Variants in PKHD1L1 observed in about 807,000 individuals in gnomAD.
The protein encoded by PKHD1L1 is fibrocystin-L.
In PKHD1L1, 434 loss-of-function variants were observed where a neutral mutation model predicts 462.9. The observed-to-expected ratio is 0.94, with a 90% CI of 0.87 to 1.02. The LOEUF (loss-of-function observed/expected upper bound fraction) is 1.02, where lower values mean the gene tolerates loss of function less well. Among genes scored for constraint, PKHD1L1 ranks in the 50% least tolerant of loss-of-function variants. The pLI is 0.00. For missense variants in PKHD1L1, 5,202 were observed against 5,096.1 expected (o/e 1.02, Z -0.63); for synonymous variants, 1,781 against 1,750.0 (o/e 1.02, Z -0.44).
At chr8:109,440,599 A>G in intron 32 of PKHD1L1, 111 bp from the exon 33 acceptor site, 1 of 900,338 alleles carries the variant, frequency 1.1e-6, no homozygotes, top group Non-Finnish European at 1.6e-6. Context: ...AGTAATGTAC[A>G]GTTAAATATC....
chr8:109,502,162 T>C (rs1009752854), intron 67 of PKHD1L1, among the ~76,000 whole-genome samples: 1 of 152,124 alleles, frequency 6.6e-6, no homozygotes, highest in African/African-American at 2.4e-5. Flanking sequence ...ATACATGCAA[T>C]TTCAATATTC....
intron 42 of PKHD1L1, 27 bp downstream of exon 42, chr8:109,452,307 C>T: frequency 6.6e-7 from 1 of 1,509,706 alleles, no homozygotes; most frequent in Non-Finnish European, 8.9e-7. Flanking sequence ...GTATAGTAAT[C>T]ACAGCAATAG....
chr8:109,501,997 A>T (rs1819440763), intron 67 of PKHD1L1, among the ~76,000 whole-genome samples: 1 of 152,096 alleles, frequency 6.6e-6, no homozygotes. Flanking sequence ...CTCCACAAAA[A>T]GTAGGTGACC....
chr8:109,428,840 T>C (rs1222111654), intron 25 of PKHD1L1, among the ~76,000 whole-genome samples: 1 of 152,220 alleles, frequency 6.6e-6, no homozygotes, highest in Non-Finnish European at 1.5e-5. Context: ...TATACTGATT[T>C]AACTTGGCTT....
chr8:109,450,904 T>A, intron 40 of PKHD1L1, 71 bp from the exon 41 acceptor site: 1 of 1,403,272 alleles, frequency 7.1e-7, no homozygotes, highest in Non-Finnish European at 9.7e-7. Context: ...TTATTGAAAA[T>A]GTTTGGAGGT....
At chr8:109,405,387 A>G (rs1813482627) in intron 16 of PKHD1L1, among the ~76,000 whole-genome samples, 1 of 152,200 alleles carries the variant, frequency 6.6e-6, no homozygotes, top group Admixed American at 6.5e-5. Flanking sequence ...CATGGAATTT[A>G]TATATTTGCT....
chr8:109,364,021 G>A (rs1380900258), intron 1 of PKHD1L1, among the ~76,000 whole-genome samples: 3 of 152,176 alleles, frequency 2.0e-5, no homozygotes, highest in East Asian at 3.9e-4. Context: ...TCATCAGGAG[G>A]CTAGAAGAAT....
At position 109,365,492 on chromosome 8, in the gene PKHD1L1, T is replaced by C. The variant is rs143162444; in HGVS notation, c.163+856T>C. On this transcript the variant is annotated intron_variant, in intron 2 of 77. Coordinates refer to ENST00000378402, the MANE Select transcript of PKHD1L1 (RefSeq NM_177531.6). ...ATACTTCTACATTATAAACAATATA[T>C]TTTGGATTAAAGTGTTATTTTTTAG... 6.3e-3 allele frequency among the ~76,000 whole-genome samples: 967 copies of C among 152,284 alleles called. 7 individuals carry two copies. Among genetic ancestry groups the C allele is most frequent in the Middle Eastern group, 0.051 (15 of 292 alleles).
chr8:109,415,889 GTGTGTGTGTGTGTGTGTA>G (rs1306097067), intron 21 of PKHD1L1, among the ~76,000 whole-genome samples: 4 of 150,418 alleles, frequency 2.7e-5, no homozygotes, highest in Admixed American at 6.6e-5. Context: ...GTGTGTGTGT[GTGTGTGTGTGTGTGTGTA>G]GGAAATCATA....
chr8:109,381,890 A>C (rs1812138191), intron 3 of PKHD1L1, among the ~76,000 whole-genome samples: 1 of 152,208 alleles, frequency 6.6e-6, no homozygotes, highest in Admixed American at 6.5e-5. Flanking sequence ...ATTAAATATA[A>C]TCATTTTGCA....
Position 109,464,873 on chromosome 8 carries a change from G to A in PKHD1L1, c.8041G>A (p.Ala2681Thr), listed in dbSNP as rs1487022730. 2 of 1,613,742 alleles carry A rather than the reference G, an allele frequency of 1.2e-6. No homozygotes were observed. Among genetic ancestry groups the A allele is most frequent in the South Asian group, 1.1e-5 (1 of 91,092 alleles). Residue 2681 changes from alanine (A) to threonine (T), a missense_variant, in exon 49 of 78, where the codon GCT (alanine) becomes ACT (threonine). This residue lies in a region of PKHD1L1 where 4,497 missense variants were observed against 4,336.8 expected (regional missense o/e 1.04). Transcript: ENST00000378402. ...CTTTGTGATGGTGAATAACTATGAG[G>A]CTGGAATTGAGACTAAGAGGATCCT... ...HNFVMVNNYE[A>T]GIETKRILAP...
chr8:109,412,233 T>C, intron 19 of PKHD1L1, 32 bp from the exon 20 acceptor site: 2 of 1,608,264 alleles, frequency 1.2e-6, no homozygotes, highest in South Asian at 2.2e-5. Context: ...CAATAAATCA[T>C]GTTTTCATTT....
intron 27 of PKHD1L1, among the ~76,000 whole-genome samples, chr8:109,430,337 T>G (rs977362986): frequency 6.6e-6 from 1 of 152,224 alleles, no homozygotes; most frequent in African/African-American, 2.4e-5. Context: ...AAAATTTCAC[T>G]TGGACACTGA....
At chr8:109,417,682 T>A (rs188356736) in intron 21 of PKHD1L1, among the ~76,000 whole-genome samples, 276 of 152,266 alleles carry the variant, frequency 1.8e-3, no homozygotes, top group Non-Finnish European at 3.1e-3. Flanking sequence ...CCTGAGTAGC[T>A]GGGATTACAG....
intron 71 of PKHD1L1, among the ~76,000 whole-genome samples, chr8:109,512,695 A>G (rs960251940): frequency 6.6e-6 from 1 of 152,064 alleles, no homozygotes; most frequent in Non-Finnish European, 1.5e-5. Context: ...TTTTTGTTCC[A>G]TATGAACTTT....
rs573049101 is a variant in PKHD1L1 at position 109,532,013 on chromosome 8, C to A, written c.*1923C>A. 6.6e-6 allele frequency among the ~76,000 whole-genome samples: 1 copy of A among 152,318 alleles called. No individual in the cohort carries two copies. The highest frequency in any genetic ancestry group is 1.9e-4 in the East Asian group (1 of 5,184). ...AACTGCAATTCCAGCATCTATGGAA[C>A]AAATTCCTACATTTGGGTTCTGGAA... On this transcript the variant is annotated 3_prime_UTR_variant, in exon 78 of 78. Coordinates refer to ENST00000378402, the MANE Select transcript of PKHD1L1 (RefSeq NM_177531.6).
intron 73 of PKHD1L1, 27 bp downstream of exon 73, chr8:109,518,535 A>T (rs781659577): frequency 1.3e-6 from 2 of 1,539,860 alleles, no homozygotes; most frequent in Non-Finnish European, 1.8e-6. Context: ...TTTGAGATGG[A>T]GGAATGCAAT....
intron 58 of PKHD1L1, among the ~76,000 whole-genome samples, chr8:109,486,162 T>C (rs1405981701): frequency 6.6e-6 from 1 of 151,938 alleles, no homozygotes; most frequent in African/African-American, 2.4e-5. Flanking sequence ...AGACTTGTGG[T>C]TGATATAAAA....
intron 43 of PKHD1L1, among the ~76,000 whole-genome samples, chr8:109,453,864 A>G (rs1479571980): frequency 2.0e-5 from 3 of 152,138 alleles, no homozygotes; most frequent in African/African-American, 7.2e-5. Flanking sequence ...ACGAATTTGC[A>G]TAGCTGAGCT....
Sources: gnomAD v4.1 joint callset for allele counts (sites outside exome capture counted in the v4.1 genomes callset) on GRCh38, gnomAD v4.1.1 for gene constraint, gnomAD v4.1.1 regional missense constraint, MANE v1.5 for transcripts, NCBI Gene and HGNC (gene_info 2026-07-23, HGNC 2026-07-21) for gene names.